The following TRAPPC8 variants were observed in gnomAD, a reference collection of about 807,000 sequenced individuals.
TRAPPC8 encodes the protein trafficking protein particle complex subunit 8.
Under a neutral mutation model 174.3 loss-of-function variants are expected in TRAPPC8, and 54 were observed. The observed-to-expected ratio is 0.31, with a 90% CI of 0.25 to 0.39. TRAPPC8 has a LOEUF of 0.39. Among genes scored for constraint, TRAPPC8 ranks in the 10% least tolerant of loss-of-function variants. TRAPPC8 has a pLI of 1.00. For synonymous variants in TRAPPC8, 630 were observed against 579.9 expected (o/e 1.09, Z -1.24); for missense variants, 1,531 against 1,699.1 (o/e 0.90, Z 1.74).
chr18:31,876,489 C>CGGGAAAAAAAAAAAAA (rs2035152533), intron 12 of TRAPPC8, among the ~76,000 whole-genome samples: 1 of 48,722 alleles, frequency 2.1e-5, no homozygotes, highest in African/African-American at 9.4e-5. Context: ...GACTCCATCT[C>CGGGAAAAAAAAAAAAA]AAAAAAAAAA....
chr18:31,922,784 G>A lies in TRAPPC8; in HGVS notation c.353-5117C>T, dbSNP rs543632017. On this transcript the variant is annotated intron_variant, in intron 2 of 28. Coordinates refer to ENST00000283351, the MANE Select transcript of TRAPPC8 (RefSeq NM_014939.5). Reference sequence around the variant, plus strand: ...TGTAATCCCAGCACTTTGGGAGGCCGAGGCAGGCTGATCACTTGAGCCCAG... The same window carrying A: ...TGTAATCCCAGCACTTTGGGAGGCCAAGGCAGGCTGATCACTTGAGCCCAG... Among the ~76,000 whole-genome samples, 49 of 151,940 alleles carry A rather than the reference G, an allele frequency of 3.2e-4. 1 individual carries two copies. Among genetic ancestry groups the A allele is most frequent in the Non-Finnish European group, 3.7e-4 (25 of 67,954 alleles).
intron 19 of TRAPPC8, 90 bp from the exon 20 acceptor site, chr18:31,858,072 TACCAAAGG>T: frequency 9.6e-6 from 10 of 1,041,096 alleles, no homozygotes; most frequent in Non-Finnish European, 1.3e-5. Context: ...TTTTTTTTTT[TACCAAAGG>T]TTTACAAGTG....
intron 28 of TRAPPC8, 137 bp from the exon 29 acceptor site, chr18:31,831,126 G>A (rs1293276807): frequency 1.4e-5 from 9 of 651,422 alleles, no homozygotes; most frequent in Middle Eastern, 8.3e-4. Flanking sequence ...GCTGAGGCAG[G>A]TGGATCACCT....
intron 17 of TRAPPC8, 77 bp downstream of exon 17, chr18:31,867,325 G>T: frequency 9.8e-7 from 1 of 1,024,056 alleles, no homozygotes; most frequent in Non-Finnish European, 1.5e-6. Flanking sequence ...AAAATAAACT[G>T]AATAAAGATT....
chr18:31,919,489 C>T (rs551982986), intron 2 of TRAPPC8, among the ~76,000 whole-genome samples: 6 of 149,462 alleles, frequency 4.0e-5, no homozygotes, highest in African/African-American at 9.9e-5. Flanking sequence ...GCTGAGATGG[C>T]GTCACTGTAC....
At chr18:31,875,323 T>C (rs868364775) in intron 12 of TRAPPC8, among the ~76,000 whole-genome samples, 39 of 148,950 alleles carry the variant, frequency 2.6e-4, no homozygotes, top group African/African-American at 9.5e-4. Flanking sequence ...TATATAATAA[T>C]ATATATAGTA....
chr18:31,915,696 A>G (rs1568131575), intron 4 of TRAPPC8, among the ~76,000 whole-genome samples: 1 of 151,302 alleles, frequency 6.6e-6, no homozygotes, highest in Non-Finnish European at 1.5e-5. Flanking sequence ...GGAGATCGAG[A>G]CCATGGTGAA....
At chr18:31,831,450 G>T (rs1261791893) in intron 28 of TRAPPC8, among the ~76,000 whole-genome samples, 1 of 152,088 alleles carries the variant, frequency 6.6e-6, no homozygotes, top group African/African-American at 2.4e-5. Flanking sequence ...TACTATAACA[G>T]CTAACATTTA....
intron 2 of TRAPPC8, among the ~76,000 whole-genome samples, chr18:31,925,290 A>G (rs1184259617): frequency 6.6e-6 from 1 of 151,702 alleles, no homozygotes; most frequent in Non-Finnish European, 1.5e-5. Context: ...AGCCAACAAC[A>G]ATTTATTACT....
At chr18:31,906,658 C>T (rs62093864) in intron 9 of TRAPPC8, among the ~76,000 whole-genome samples, 39,799 of 152,062 alleles carry the variant, frequency 0.26, 5,707 homozygotes, top group South Asian at 0.52. Flanking sequence ...ACACATATAT[C>T]TGTGGTAACT....
intron 28 of TRAPPC8, 126 bp from the exon 29 acceptor site, chr18:31,831,115 G>T: frequency 1.4e-6 from 1 of 695,828 alleles, no homozygotes; most frequent in Non-Finnish European, 2.4e-6. Context: ...CACTTTGGGA[G>T]GCTGAGGCAG....
At chr18:31,936,347 C>G (rs901000510) in intron 1 of TRAPPC8, among the ~76,000 whole-genome samples, 2 of 151,734 alleles carry the variant, frequency 1.3e-5, no homozygotes, top group Admixed American at 6.6e-5. Flanking sequence ...ACCTGTAATC[C>G]CAGCTACCCA....
chr18:31,909,341 TATC>T (rs898290063), intron 6 of TRAPPC8, among the ~76,000 whole-genome samples: 119 of 152,216 alleles, frequency 7.8e-4, no homozygotes, highest in African/African-American at 2.8e-3. Context: ...AAAAATTTGT[TATC>T]ATTACAAAAA....
At chr18:31,894,587 G>C (rs2036107527) in intron 11 of TRAPPC8, among the ~76,000 whole-genome samples, 1 of 151,792 alleles carries the variant, frequency 6.6e-6, no homozygotes. Flanking sequence ...TAAAATATGA[G>C]AGTATGTACA....
At chr18:31,937,801 TC>T (rs1395473011) in intron 1 of TRAPPC8, among the ~76,000 whole-genome samples, 1 of 152,072 alleles carries the variant, frequency 6.6e-6, no homozygotes, top group Non-Finnish European at 1.5e-5. Flanking sequence ...CCTCTCGAGT[TC>T]AAGTGATTCT....
chr18:31,940,975 A>T (rs2038311579), intron 1 of TRAPPC8, among the ~76,000 whole-genome samples: 1 of 152,222 alleles, frequency 6.6e-6, no homozygotes, highest in Non-Finnish European at 1.5e-5. Context: ...ACAAATTAAC[A>T]CTTCTATGCT....
chr18:31,902,715 G>A (rs1013873356), intron 9 of TRAPPC8, among the ~76,000 whole-genome samples: 3 of 152,092 alleles, frequency 2.0e-5, no homozygotes, highest in Admixed American at 2.0e-4. Context: ...CACAGCTGGG[G>A]CTTTTCTCCT....
chr18:31,878,060 G>A (rs912313278), intron 12 of TRAPPC8, among the ~76,000 whole-genome samples: 21 of 152,296 alleles, frequency 1.4e-4, no homozygotes, highest in African/African-American at 5.1e-4. Context: ...CTGTACTAGA[G>A]GAAGAAGTTC....
intron 27 of TRAPPC8, among the ~76,000 whole-genome samples, chr18:31,836,445 C>T (rs184833734): frequency 1.9e-4 from 29 of 152,238 alleles, no homozygotes; most frequent in Non-Finnish European, 3.5e-4. Context: ...ACATCCTAGC[C>T]TCTCAATGCA....
Sources: allele counts gnomAD v4.1 joint callset (sites outside exome capture counted in the v4.1 genomes callset), GRCh38; gene constraint gnomAD v4.1.1; transcripts MANE v1.5; gene names NCBI Gene and HGNC (gene_info 2026-07-23, HGNC 2026-07-21).